The following ETV6 variants were observed in gnomAD, a reference collection of about 807,000 sequenced individuals.
ETV6 encodes transcription factor ETV6.
In ETV6, 16 loss-of-function variants were observed where a neutral mutation model predicts 51.1. That is an observed-to-expected ratio of 0.31 (90% CI 0.21 to 0.48). ETV6 has a LOEUF of 0.48. Ranked by LOEUF, ETV6 falls within the 20% of genes least tolerant of loss-of-function variation. The pLI is 0.99. For synonymous variants in ETV6, 240 were observed against 224.1 expected, an observed-to-expected ratio of 1.07 and a Z score of -0.64; for missense variants, 458 against 594.8, an observed-to-expected ratio of 0.77 and a Z score of 2.39.
chr12:11,812,416 A>G (rs1009248423), intron 2 of ETV6, among the ~76,000 whole-genome samples: 1 of 152,174 alleles, frequency 6.6e-6, no homozygotes, highest in Non-Finnish European at 1.5e-5. Flanking sequence ...CCCACAAATT[A>G]TAGCAACCAA....
intron 3 of ETV6, among the ~76,000 whole-genome samples, chr12:11,848,501 C>T (rs1946498081): frequency 1.3e-5 from 2 of 152,348 alleles, no homozygotes; most frequent in South Asian, 4.1e-4. Context: ...CTCTCCTGTC[C>T]ATTTGGAACA....
chr12:11,857,258 A>G (rs1463573807), intron 4 of ETV6, among the ~76,000 whole-genome samples: 2 of 152,226 alleles, frequency 1.3e-5, no homozygotes, highest in Non-Finnish European at 2.9e-5. Flanking sequence ...TGAAACTTAC[A>G]TTGAAATCAT....
At chr12:11,732,691 G>A (rs935403606) in intron 1 of ETV6, among the ~76,000 whole-genome samples, 2 of 151,984 alleles carry the variant, frequency 1.3e-5, no homozygotes, top group Admixed American at 6.6e-5. Flanking sequence ...AGACCACCCC[G>A]TCCTCCTTCT....
intron 2 of ETV6, among the ~76,000 whole-genome samples, chr12:11,837,384 C>A (rs1946332063): frequency 6.6e-6 from 1 of 151,772 alleles, no homozygotes; most frequent in African/African-American, 2.4e-5. Context: ...TTTTTTGGTG[C>A]ACTACAAAAA....
At chr12:11,854,155 TTCCCGTAAGGAGTGTGCAACTAGA>T (rs978912108) in intron 4 of ETV6, among the ~76,000 whole-genome samples, 1 of 152,104 alleles carries the variant, frequency 6.6e-6, no homozygotes, top group African/African-American at 2.4e-5. Flanking sequence ...AGCCATTAGA[TTCCCGTAAGGAGTGTGCAACTAGA>T]TCCCGCGCAT....
At chr12:11,863,169 A>G (rs1169260389) in intron 4 of ETV6, among the ~76,000 whole-genome samples, 3 of 152,196 alleles carry the variant, frequency 2.0e-5, no homozygotes, top group Non-Finnish European at 4.4e-5. Context: ...CACTAAAGGC[A>G]GTTTTTTGTC....
intron 1 of ETV6, among the ~76,000 whole-genome samples, chr12:11,734,705 T>C (rs75116073): frequency 6.6e-6 from 1 of 152,110 alleles, no homozygotes; most frequent in Non-Finnish European, 1.5e-5. Flanking sequence ...CAGAATCTTA[T>C]GCAGTAGGGC....
chr12:11,781,408 G>C (rs1945412220), intron 2 of ETV6, among the ~76,000 whole-genome samples: 3 of 152,072 alleles, frequency 2.0e-5, no homozygotes, highest in African/African-American at 7.2e-5. Flanking sequence ...CTTTGCTCTT[G>C]GTTCTAGTTT....
chr12:11,655,355 ATGAG>A (rs1863981814), intron 1 of ETV6, among the ~76,000 whole-genome samples: 1 of 152,194 alleles, frequency 6.6e-6, no homozygotes, highest in Admixed American at 6.5e-5. Flanking sequence ...GTTGAATAGA[ATGAG>A]TGTGCATTTA....
intron 1 of ETV6, among the ~76,000 whole-genome samples, chr12:11,683,837 G>C (rs1229754740): frequency 7.3e-5 from 11 of 151,556 alleles, no homozygotes; most frequent in Non-Finnish European, 1.5e-5. Context: ...TTTTTTTCCT[G>C]TGGCATTCTG....
chr12:11,861,982 C>CGACTGTGAG (rs1242679514), intron 4 of ETV6, among the ~76,000 whole-genome samples: 1 of 152,146 alleles, frequency 6.6e-6, no homozygotes, highest in Admixed American at 6.5e-5. Flanking sequence ...TCTGCAGCCC[C>CGACTGTGAG]GACTGTGAGG....
intron 2 of ETV6, among the ~76,000 whole-genome samples, chr12:11,786,092 C>T (rs973374256): frequency 5.3e-5 from 8 of 152,054 alleles, no homozygotes; most frequent in Admixed American, 1.3e-4. Context: ...GATTTGAGGA[C>T]GGGCTACGGT....
At chr12:11,655,629 C>T (rs1327498694) in intron 1 of ETV6, among the ~76,000 whole-genome samples, 3 of 152,164 alleles carry the variant, frequency 2.0e-5, no homozygotes, top group East Asian at 1.9e-4. Context: ...ACTAGTGCTA[C>T]GATGTGCTTG....
Position 11,885,909 on chromosome 12 carries a change from C to T in ETV6, c.1153-17C>T, listed in dbSNP as rs1212086544. 44 of 1,588,580 alleles carry T rather than the reference C, an allele frequency of 2.8e-5. No homozygotes were observed. Among genetic ancestry groups the T allele is most frequent in the Non-Finnish European group, 3.6e-5 (42 of 1,160,490 alleles). On this transcript the variant is annotated splice_polypyrimidine_tract_variant and intron_variant, in intron 6 of 7. Transcript: ENST00000396373. ...GTCTTTGTGCTTTTTTTCTCCCTTC[C>T]TCCTTTGAACAAACAGAACAGAACA...
chr12:11,849,381 G>A (rs1008921196), intron 3 of ETV6, among the ~76,000 whole-genome samples: 3 of 152,102 alleles, frequency 2.0e-5, no homozygotes, highest in Non-Finnish European at 4.4e-5. Flanking sequence ...CAAAGTGCTG[G>A]GATTATAGGT....
At chr12:11,802,743 G>T (rs1221850512) in intron 2 of ETV6, among the ~76,000 whole-genome samples, 1 of 152,184 alleles carries the variant, frequency 6.6e-6, no homozygotes, top group African/African-American at 2.4e-5. Flanking sequence ...CTCCAGCAAA[G>T]ATAATTACTC....
chr12:11,854,867 A>G (rs1946607084), intron 4 of ETV6, among the ~76,000 whole-genome samples: 2 of 152,176 alleles, frequency 1.3e-5, no homozygotes, highest in Non-Finnish European at 2.9e-5. Context: ...GTTAGAGTTC[A>G]CTCAGTGGCG....
chr12:11,802,099 G>A (rs1365549289), intron 2 of ETV6, among the ~76,000 whole-genome samples: 6 of 152,218 alleles, frequency 3.9e-5, no homozygotes, highest in Non-Finnish European at 5.9e-5. Context: ...GAAACTTCCT[G>A]TTGGTTAGGC....
At chr12:11,714,320 A>G (rs1425935143) in intron 1 of ETV6, among the ~76,000 whole-genome samples, 3 of 152,182 alleles carry the variant, frequency 2.0e-5, no homozygotes, top group East Asian at 3.8e-4. Flanking sequence ...TTTGCTCCCA[A>G]TCAAAACTCA....
Sources: allele counts gnomAD v4.1 joint callset (sites outside exome capture counted in the v4.1 genomes callset), GRCh38; gene constraint gnomAD v4.1.1; transcripts MANE v1.5; gene names NCBI Gene and HGNC (gene_info 2026-07-23, HGNC 2026-07-21).